The following ARID4B variants were observed in gnomAD, a reference collection of about 807,000 sequenced individuals.
ARID4B encodes the protein AT-rich interactive domain-containing protein 4B.
ARID4B carries 26 observed loss-of-function variants against 147.5 expected under a neutral mutation model. The ratio of observed to expected loss-of-function variants is 0.18; its 90% CI spans 0.13 to 0.24. The LOEUF is 0.24. Among genes scored for constraint, ARID4B ranks in the 10% least tolerant of loss-of-function variants. The pLI is 1.00. For synonymous variants in ARID4B, 512 were observed against 507.9 expected (o/e 1.01, Z -0.11); for missense variants, 1,179 against 1,511.5 (o/e 0.78, Z 3.65).
chr1:235,237,697 T>C (rs1668695738), intron 8 of ARID4B, among the ~76,000 whole-genome samples: 1 of 152,214 alleles, frequency 6.6e-6, no homozygotes, highest in Non-Finnish European at 1.5e-5. Context: ...AAAGAGTTTA[T>C]ATATATTATG....
At chr1:235,267,192 C>T (rs1054747701) in intron 2 of ARID4B, among the ~76,000 whole-genome samples, 3 of 151,932 alleles carry the variant, frequency 2.0e-5, no homozygotes, top group African/African-American at 7.3e-5. Context: ...GCGGGAGGAT[C>T]GCTAGAGCTC....
intron 17 of ARID4B, among the ~76,000 whole-genome samples, chr1:235,203,278 G>A (rs1262592278): frequency 6.6e-6 from 1 of 152,102 alleles, no homozygotes; most frequent in Non-Finnish European, 1.5e-5. Flanking sequence ...AATAAAAATG[G>A]AAAAGAACAT....
chr1:235,194,287 C>A, intron 18 of ARID4B, 76 bp from the exon 19 acceptor site: 1 of 1,052,644 alleles, frequency 9.5e-7, no homozygotes. Context: ...CCACTTTTAA[C>A]TCACTATTAC....
intron 17 of ARID4B, among the ~76,000 whole-genome samples, chr1:235,199,362 A>G (rs1406430605): frequency 6.6e-6 from 1 of 150,700 alleles, no homozygotes; most frequent in Non-Finnish European, 1.5e-5. Context: ...AAGTTTTTGC[A>G]TTTTTTTTTA....
chr1:235,233,256 T>C (rs1434956457), intron 9 of ARID4B, among the ~76,000 whole-genome samples: 1 of 152,126 alleles, frequency 6.6e-6, no homozygotes, highest in Admixed American at 6.5e-5. Context: ...GAGACCAGCC[T>C]GGCCAACATG....
At chr1:235,238,143 C>CAAAAAAAAAA (rs533707841) in intron 8 of ARID4B, among the ~76,000 whole-genome samples, 5 of 80,900 alleles carry the variant, frequency 6.2e-5, no homozygotes, top group African/African-American at 1.7e-4. Context: ...AACTCCATCT[C>CAAAAAAAAAA]AAAAAAAAAA....
In ARID4B at chr1:235,219,873, A is replaced by G. The variant is rs4659654; in HGVS notation, c.1503T>C (p.Asp501=). 764,761 of 1,605,964 alleles carry G rather than the reference A, an allele frequency of 0.48. 184,736 individuals are homozygous for G. The highest frequency in any genetic ancestry group is 0.61 in the South Asian group (54,488 of 90,018). ...CCCTAGTTGTGTCATCATCTTTGTC[A>G]TCCAGATTTTCATTGTCTTCTGGTT... ...IKKPEDNENL[D]DKDDDTTRVD... The change falls in exon 16 of 24, where the codon GAT becomes GAC. Residue 501 remains aspartate (D), a synonymous_variant. Transcript: ENST00000264183.
chr1:235,257,673 G>T (rs1670069033), intron 3 of ARID4B, among the ~76,000 whole-genome samples: 1 of 151,928 alleles, frequency 6.6e-6, no homozygotes, highest in South Asian at 2.1e-4. Flanking sequence ...TAGAGATGGG[G>T]TTTCAACACA....
chr1:235,194,559 A>C (rs1571943422), intron 18 of ARID4B, among the ~76,000 whole-genome samples: 2 of 152,158 alleles, frequency 1.3e-5, no homozygotes, highest in African/African-American at 4.8e-5. Flanking sequence ...GGTGGCTCAC[A>C]CCTGTAATCC....
At chr1:235,293,664 A>T (rs549980771) in intron 2 of ARID4B, among the ~76,000 whole-genome samples, 19,953 of 147,910 alleles carry the variant, frequency 0.13, 1,517 homozygotes, top group African/African-American at 0.2. Context: ...AAAAAAAAAA[A>T]TGATGAAAGA....
At position 235,223,242 on chromosome 1, in the gene ARID4B, C is replaced by A; in HGVS notation, c.989G>T (p.Arg330Leu). 6.3e-7 allele frequency: 1 copy of A among 1,585,952 alleles called. No individual in the cohort carries two copies. The highest frequency in any genetic ancestry group is 1.1e-5 in the South Asian group (1 of 87,144). The stretch of plus-strand genomic sequence containing the variant: ...CAAATTTCGATATCCAAGTACAGGT[C>A]GTTTGTTAATAGGTGTACCTGTTAC... ...MEDRGTPINK[R>L]PVLGYRNLNL... The change falls in exon 13 of 24, where the codon CGA (arginine) becomes CTA (leucine). Residue 330 changes from arginine to leucine, a missense_variant. Arg to Leu is a moderately radical substitution (Grantham distance 102, BLOSUM62 -2). Around this residue, in one of 10 missense-constraint regions of ARID4B, gnomAD observed 26 missense variants for 77.9 expected, o/e 0.33. Transcript: ENST00000264183.
chr1:235,205,949 A>T (rs569948335), intron 17 of ARID4B, among the ~76,000 whole-genome samples: 41 of 152,220 alleles, frequency 2.7e-4, no homozygotes, highest in Admixed American at 9.2e-4. Flanking sequence ...AAAGTTTGAC[A>T]GTTCCTTAGA....
intron 2 of ARID4B, among the ~76,000 whole-genome samples, chr1:235,308,083 ATTT>A (rs368457519): frequency 0.027 from 2,750 of 102,746 alleles, 70 homozygotes; most frequent in African/African-American, 0.091. Context: ...ATTTCTTCTA[ATTT>A]TTTTTTTTTT....
At chr1:235,220,218 A>G in intron 15 of ARID4B, 84 bp downstream of exon 15, 1 of 1,217,542 alleles carries the variant, frequency 8.2e-7, no homozygotes, top group African/African-American at 1.5e-5. Context: ...ATAATATTAT[A>G]CAATATATTG....
At chr1:235,234,765 C>A (rs973168743) in intron 8 of ARID4B, among the ~76,000 whole-genome samples, 8 of 151,876 alleles carry the variant, frequency 5.3e-5, no homozygotes, top group African/African-American at 1.5e-4. Context: ...AAGCTGTGGA[C>A]GAAGTTCTAG....
At chr1:235,219,217 CA>C (rs1667288061) in intron 16 of ARID4B, among the ~76,000 whole-genome samples, 2 of 151,938 alleles carry the variant, frequency 1.3e-5, no homozygotes, top group Non-Finnish European at 2.9e-5. Context: ...GAGACACTAA[CA>C]GATATGTTTA....
chr1:235,324,024 G>A (rs1303766870), intron 2 of ARID4B, among the ~76,000 whole-genome samples: 2 of 151,658 alleles, frequency 1.3e-5, no homozygotes, highest in East Asian at 3.9e-4. Context: ...TCCTGCCTCA[G>A]CCTTCCGAAT....
intron 17 of ARID4B, among the ~76,000 whole-genome samples, chr1:235,197,956 C>T (rs888387902): frequency 1.3e-5 from 2 of 152,058 alleles, no homozygotes; most frequent in Admixed American, 6.6e-5. Flanking sequence ...CTTCCAAAAT[C>T]GGGGGCATGG....
At chr1:235,250,055 C>G (rs1007337337) in intron 6 of ARID4B, among the ~76,000 whole-genome samples, 1 of 151,668 alleles carries the variant, frequency 6.6e-6, no homozygotes, top group Admixed American at 6.6e-5. Context: ...TGCAGTGAGC[C>G]GAGATCGCAC....
Sources: allele counts gnomAD v4.1 joint callset (sites outside exome capture counted in the v4.1 genomes callset), GRCh38; gene constraint gnomAD v4.1.1; regional missense constraint gnomAD v4.1.1; transcripts MANE v1.5; gene names NCBI Gene and HGNC (gene_info 2026-07-23, HGNC 2026-07-21).